Variants in GRIN2A observed in about 807,000 individuals in gnomAD.
The protein encoded by GRIN2A is glutamate ionotropic receptor NMDA type subunit 2A.
In GRIN2A, 22 loss-of-function variants were observed where a neutral mutation model predicts 113.4. The observed-to-expected ratio is 0.19, with a 90% CI of 0.14 to 0.28. GRIN2A has a LOEUF of 0.28. GRIN2A is among the 10% of genes least tolerant of loss of function. The probability of loss-of-function intolerance (pLI) is 1.00; values close to 1 mark genes in which losing one functional copy is unlikely to be tolerated. For missense variants in GRIN2A, 1,502 were observed against 1,887.0 expected, an observed-to-expected ratio of 0.80 and a Z score of 3.78; for synonymous variants, 827 against 738.4, an observed-to-expected ratio of 1.12 and a Z score of -1.94.
rs186408968 is a variant in GRIN2A, at chr16:9,857,124, C to A, written c.1123-7163G>T. On this transcript the variant is annotated intron_variant, in intron 4 of 12. Transcript: ENST00000330684. ...TAGAAGATATCTGACCAGTAGTCCT[C>A]CAAATTGTCAAAGGTCATTAAAAAA... Among the ~76,000 whole-genome samples the A allele has an allele frequency of 5.3e-5, 8 of 152,206 alleles. No homozygotes were observed. In the South Asian group the frequency reaches 1.7e-3, roughly 32 times the overall value.
At chr16:9,959,846 T>G (rs1366142120) in intron 2 of GRIN2A, among the ~76,000 whole-genome samples, 1 of 152,180 alleles carries the variant, frequency 6.6e-6, no homozygotes, top group African/African-American at 2.4e-5. Flanking sequence ...TGGTGGCGCA[T>G]GCCTGTGATC....
chr16:9,931,140 A>AT (rs1232804359), intron 3 of GRIN2A, among the ~76,000 whole-genome samples: 1 of 152,142 alleles, frequency 6.6e-6, no homozygotes, highest in Non-Finnish European at 1.5e-5. Context: ...CTTCTACTTG[A>AT]TTTCCAGTGC....
intron 2 of GRIN2A, among the ~76,000 whole-genome samples, chr16:9,943,466 G>A (rs35891185): frequency 0.016 from 2,468 of 152,210 alleles, 35 homozygotes; most frequent in Non-Finnish European, 0.025. Context: ...GAGCTTGCTC[G>A]GTCCCCAGGG....
chr16:10,093,618 GAA>G (rs199838522), intron 2 of GRIN2A, among the ~76,000 whole-genome samples: 1 of 145,426 alleles, frequency 6.9e-6, no homozygotes. Context: ...GCAACAAAGT[GAA>G]AAAAAAAAAC....
intron 2 of GRIN2A, among the ~76,000 whole-genome samples, chr16:10,140,069 T>A (rs78373351): frequency 0.018 from 2,720 of 152,262 alleles, 82 homozygotes; most frequent in African/African-American, 0.06. Flanking sequence ...AATCAGGCTG[T>A]CCCAGGCAAC....
intron 2 of GRIN2A, among the ~76,000 whole-genome samples, chr16:10,060,274 G>GA (rs1425373301): frequency 2.0e-5 from 3 of 152,206 alleles, no homozygotes; most frequent in Non-Finnish European, 2.9e-5. Context: ...GAAAGAGAAG[G>GA]AAAATCAATA....
At chr16:9,911,377 T>C (rs751702627) in intron 3 of GRIN2A, among the ~76,000 whole-genome samples, 2 of 152,188 alleles carry the variant, frequency 1.3e-5, no homozygotes, top group Non-Finnish European at 2.9e-5. Flanking sequence ...TGAAACACAG[T>C]GATTACATGC....
At chr16:10,112,730 G>A in intron 2 of GRIN2A, 2 of 733,682 alleles carry the variant, frequency 2.7e-6, no homozygotes, top group Admixed American at 1.7e-5. Context: ...AGGACAAAGG[G>A]TCCATTCAGA....
At chr16:9,813,681 A>G (rs1340070261) in intron 10 of GRIN2A, among the ~76,000 whole-genome samples, 3 of 151,552 alleles carry the variant, frequency 2.0e-5, no homozygotes, top group Non-Finnish European at 4.4e-5. Context: ...AAATAATTCC[A>G]AGAACCCCAC....
At chr16:10,097,888 G>T (rs1014814434) in intron 2 of GRIN2A, among the ~76,000 whole-genome samples, 1 of 152,110 alleles carries the variant, frequency 6.6e-6, no homozygotes, top group Non-Finnish European at 1.5e-5. Context: ...ATTAGGCAAA[G>T]ATTTCATGAC....
At chr16:9,794,258 C>T (rs777293595) in intron 11 of GRIN2A, among the ~76,000 whole-genome samples, 22 of 152,304 alleles carry the variant, frequency 1.4e-4, no homozygotes, top group Non-Finnish European at 2.6e-4. Flanking sequence ...CCCTCAATAA[C>T]CAAACACTCC....
At chr16:9,835,734 T>C (rs1260738822) in intron 7 of GRIN2A, among the ~76,000 whole-genome samples, 2 of 152,192 alleles carry the variant, frequency 1.3e-5, no homozygotes, top group East Asian at 3.8e-4. Flanking sequence ...GCTAGGTTGA[T>C]AGCAGGCCAC....
intron 2 of GRIN2A, among the ~76,000 whole-genome samples, chr16:9,956,166 C>T (rs2141687693): frequency 6.6e-6 from 1 of 152,330 alleles, no homozygotes; most frequent in Non-Finnish European, 1.5e-5. Context: ...TCAAATGTAG[C>T]TGCCACTGAA....
intron 3 of GRIN2A, among the ~76,000 whole-genome samples, chr16:9,911,227 T>G (rs1476734815): frequency 6.6e-6 from 1 of 152,126 alleles, no homozygotes; most frequent in Non-Finnish European, 1.5e-5. Flanking sequence ...TGGCTCACAC[T>G]TGTAATCACA....
chr16:9,900,276 G>A (rs2043895056), intron 3 of GRIN2A, among the ~76,000 whole-genome samples: 1 of 152,268 alleles, frequency 6.6e-6, no homozygotes, highest in South Asian at 2.1e-4. Context: ...GAGAGAGGAG[G>A]AGCTCATTTG....
intron 2 of GRIN2A, among the ~76,000 whole-genome samples, chr16:10,142,461 T>A (rs973269522): frequency 6.6e-6 from 1 of 151,148 alleles, no homozygotes; most frequent in Non-Finnish European, 1.5e-5. Flanking sequence ...CTTTGGGAGG[T>A]CAAGGCAGGA....
chr16:10,060,046 C>T (rs1419596040), intron 2 of GRIN2A, among the ~76,000 whole-genome samples: 1 of 152,126 alleles, frequency 6.6e-6, no homozygotes, highest in South Asian at 2.1e-4. Flanking sequence ...CAGCAGGGAC[C>T]ACCTGATAGG....
At chr16:10,039,611 T>C (rs917013283) in intron 2 of GRIN2A, among the ~76,000 whole-genome samples, 2 of 151,490 alleles carry the variant, frequency 1.3e-5, no homozygotes, top group East Asian at 3.9e-4. Context: ...ACCGGTGGCG[T>C]TGGGCGCGGG....
intron 2 of GRIN2A, among the ~76,000 whole-genome samples, chr16:10,108,656 A>G (rs975198466): frequency 6.6e-6 from 1 of 152,166 alleles, no homozygotes; most frequent in African/African-American, 2.4e-5. Flanking sequence ...GTTAAAGCTG[A>G]GATGAGCCAA....
Sources: gnomAD v4.1 joint callset for allele counts (sites outside exome capture counted in the v4.1 genomes callset) on GRCh38, gnomAD v4.1.1 for gene constraint, MANE v1.5 for transcripts, NCBI Gene and HGNC (gene_info 2026-07-23, HGNC 2026-07-21) for gene names.